PRKRA: variants seen among roughly 807,000 people sequenced by gnomAD.
PRKRA encodes the protein protein activator of interferon induced protein kinase EIF2AK2.
PRKRA carries 22 observed loss-of-function variants against 32.4 expected under a neutral mutation model. The observed-to-expected ratio is 0.68, with a 90% CI of 0.49 to 0.97. PRKRA has a LOEUF of 0.97. Among genes scored for constraint, PRKRA ranks in the 50% least tolerant of loss-of-function variants. The pLI is 0.00. For synonymous variants in PRKRA, 139 were observed against 129.8 expected, an observed-to-expected ratio of 1.07 and a Z score of -0.48; for missense variants, 319 against 375.6, an observed-to-expected ratio of 0.85 and a Z score of 1.25.
rs1158107453 is a variant in PRKRA, at chr2:178,436,249, T to C, written c.680A>G (p.Asn227Ser). 1 of 1,613,722 alleles carries C rather than the reference T, an allele frequency of 6.2e-7. No homozygotes were observed. The highest frequency in any genetic ancestry group is 8.5e-7 in the Non-Finnish European group (1 of 1,179,638). Reference sequence around the variant, plus strand: ...ACTAAGGAGGCTTCTTTTCAGTAAGTTGATCTTTTCACCAGGAGAATTCCT... The same window carrying C: ...ACTAAGGAGGCTTCTTTTCAGTAAGCTGATCTTTTCACCAGGAGAATTCCT... ...SLRNSPGEKI[N>S]LLKRSLLSIP... Residue 227 changes from asparagine (N) to serine (S), a missense_variant, in exon 7 of 8, where the codon AAC (asparagine) becomes AGC (serine). Coordinates refer to ENST00000325748, the MANE Select transcript of PRKRA (RefSeq NM_003690.5).
At chr2:178,435,019 C>A (rs1266980031) in intron 7 of PRKRA, among the ~76,000 whole-genome samples, 2 of 151,548 alleles carry the variant, frequency 1.3e-5, no homozygotes, top group Non-Finnish European at 2.9e-5. Context: ...GAGTTTGAGA[C>A]CAGCCTGGCC....
intron 6 of PRKRA, chr2:178,439,606 T>C (rs2154124956): frequency 6.6e-6 from 1 of 152,334 alleles, no homozygotes; most frequent in East Asian, 1.9e-4. Context: ...TCTTGTCTAA[T>C]TTGTTTTTAA....
intron 1 of PRKRA, 77 bp from the exon 2 acceptor site, chr2:178,450,488 C>A: frequency 7.4e-7 from 1 of 1,343,102 alleles, no homozygotes; most frequent in Non-Finnish European, 9.8e-7. Flanking sequence ...CAGTTTTAAC[C>A]GCCACCGACG....
At chr2:178,447,909 C>T (rs1456719802) in intron 2 of PRKRA, among the ~76,000 whole-genome samples, 2 of 152,048 alleles carry the variant, frequency 1.3e-5, no homozygotes, top group African/African-American at 2.4e-5. Context: ...TAAAGTAGAC[C>T]GTGTCACACC....
In PRKRA at chr2:178,450,870, C is replaced by T. The variant is rs1024769787; in HGVS notation, c.65+96G>A. 5 of 1,481,480 alleles carry T rather than the reference C, an allele frequency of 3.4e-6. No homozygotes were observed. The African/African-American group carries it at 4.4e-5, about 13-fold the overall frequency. 91.8% of individuals were successfully genotyped at this position (1,481,480 alleles called of 1,614,324 possible). Reference sequence around the variant, plus strand: ...GCGGAGGCGTGGGCGCCGGGCACGGCTTTACCCAGAATGCCTCTGGAGGGC... The same window carrying T: ...GCGGAGGCGTGGGCGCCGGGCACGGTTTTACCCAGAATGCCTCTGGAGGGC... On this transcript the variant is annotated intron_variant, in intron 1 of 7. Transcript: ENST00000325748.
At chr2:178,441,461 G>A in intron 6 of PRKRA, 149 bp downstream of exon 6, 1 of 671,776 alleles carries the variant, frequency 1.5e-6, no homozygotes, top group Non-Finnish European at 2.6e-6. Flanking sequence ...ACAGGAAGCA[G>A]CTAAAAATGG....
At chr2:178,447,149 T>C (rs1020638742) in intron 3 of PRKRA, among the ~76,000 whole-genome samples, 2 of 152,144 alleles carry the variant, frequency 1.3e-5, no homozygotes, top group East Asian at 1.9e-4. Flanking sequence ...GTACTTTTAG[T>C]GGATCTTTCT....
chr2:178,450,933 C>G (rs549157819), intron 1 of PRKRA, 33 bp downstream of exon 1: 99 of 885,216 alleles, frequency 1.1e-4, no homozygotes, highest in Non-Finnish European at 1.5e-4. Flanking sequence ...CCAACGCTCC[C>G]GGCCCTGGGG....
chr2:178,434,435 T>C (rs1696805077), intron 7 of PRKRA, among the ~76,000 whole-genome samples: 1 of 151,670 alleles, frequency 6.6e-6, no homozygotes, highest in Non-Finnish European at 1.5e-5. Context: ...TTTTTTTTTT[T>C]TGAGACAAGT....
chr2:178,450,642 C>A (rs1697557588), intron 1 of PRKRA: 13 of 1,442,074 alleles, frequency 9.0e-6, no homozygotes, highest in Admixed American at 8.5e-5. Context: ...CACTTGAATG[C>A]GGGTAGGAGA....
chr2:178,450,228 C>T lies in PRKRA; in HGVS notation c.235+14G>A. The T allele has an allele frequency of 1.3e-6, 1 of 783,020 alleles. No homozygotes were observed. Among genetic ancestry groups the T allele is most frequent in the Non-Finnish European group, 1.8e-6 (1 of 544,642 alleles). The allele number at this position is 783,020 out of a possible 1,614,324, so 48.5% of individuals were successfully genotyped here. A position where few individuals can be genotyped will look rare whatever the true frequency, so the allele number is the denominator to read the frequency against. On this transcript the variant is annotated intron_variant, in intron 2 of 7. Transcript: ENST00000325748. The stretch of plus-strand genomic sequence containing the variant: ...CAACCCACTCGGTCATCCAGGTTAA[C>T]TGTGTATACAGACCTGTGCAGGTTA...
intron 6 of PRKRA, chr2:178,439,570 C>T (rs1697038099): frequency 6.6e-6 from 1 of 152,124 alleles, no homozygotes; most frequent in Admixed American, 6.5e-5. Context: ...TTTATCTCCT[C>T]TTATTTCCAA....
chr2:178,444,105 A>G (rs993921938), intron 4 of PRKRA: 2 of 262,936 alleles, frequency 7.6e-6, no homozygotes, highest in African/African-American at 4.5e-5. Context: ...CTGTCTCAAC[A>G]GAAGTAGAAA....
chr2:178,444,906 T>C (rs528384166), intron 3 of PRKRA, among the ~76,000 whole-genome samples: 1 of 152,198 alleles, frequency 6.6e-6, no homozygotes, highest in Non-Finnish European at 1.5e-5. Flanking sequence ...TACATAAGCT[T>C]TGTGGTGTTT....
At chr2:178,449,337 TAA>T (rs1474737365) in intron 2 of PRKRA, among the ~76,000 whole-genome samples, 1 of 152,204 alleles carries the variant, frequency 6.6e-6, no homozygotes, top group Non-Finnish European at 1.5e-5. Context: ...AAACTTTTCT[TAA>T]AGTGGCATCA....
chr2:178,449,274 G>A (rs1226393323), intron 2 of PRKRA, among the ~76,000 whole-genome samples: 3 of 152,148 alleles, frequency 2.0e-5, no homozygotes, highest in Admixed American at 1.3e-4. Context: ...TGGTTCCCAT[G>A]GGGACCCTTC....
At chr2:178,448,658 TGTAGC>T (rs1213783695) in intron 2 of PRKRA, among the ~76,000 whole-genome samples, 1 of 152,144 alleles carries the variant, frequency 6.6e-6, no homozygotes, top group African/African-American at 2.4e-5. Context: ...AAGGTAAACG[TGTAGC>T]TACAAGACTG....
At chr2:178,439,969 T>G (rs938497541) in intron 6 of PRKRA, 2 of 151,442 alleles carry the variant, frequency 1.3e-5, no homozygotes, top group Non-Finnish European at 1.5e-5. Flanking sequence ...GATCTGTAAT[T>G]TTTTTTTTTC....
At chr2:178,437,839 G>A (rs1286140479) in intron 6 of PRKRA, among the ~76,000 whole-genome samples, 1 of 151,940 alleles carries the variant, frequency 6.6e-6, no homozygotes, top group African/African-American at 2.4e-5. Context: ...TCTTCTACTG[G>A]GTTGTCTTTT....
Sources: gnomAD v4.1 joint callset for allele counts (sites outside exome capture counted in the v4.1 genomes callset) on GRCh38, gnomAD v4.1.1 for gene constraint, MANE v1.5 for transcripts, NCBI Gene and HGNC (gene_info 2026-07-23, HGNC 2026-07-21) for gene names.